The following PEF1 variants were observed in gnomAD, a reference collection of about 807,000 sequenced individuals.
PEF1 encodes the protein peflin.
In PEF1, 17 loss-of-function variants were observed where a neutral mutation model predicts 32.0. The observed-to-expected ratio is 0.53, with a 90% CI of 0.36 to 0.80. PEF1 has a LOEUF of 0.80. PEF1 is among the 30% of genes least tolerant of loss of function. PEF1 has a pLI of 0.00. For synonymous variants in PEF1, 130 were observed against 139.8 expected (o/e 0.93, Z 0.50); for missense variants, 362 against 369.1 (o/e 0.98, Z 0.16).
At chr1:31,633,485 A>T (rs1640172770) in intron 2 of PEF1, among the ~76,000 whole-genome samples, 171 bp from the exon 3 acceptor site, 1 of 152,232 alleles carries the variant, frequency 6.6e-6, no homozygotes, top group Non-Finnish European at 1.5e-5. Flanking sequence ...GTGAAGATTC[A>T]TGAGTATTTG....
intron 2 of PEF1, 60 bp downstream of exon 2, chr1:31,635,162 C>T: frequency 6.3e-7 from 1 of 1,580,918 alleles, no homozygotes. Flanking sequence ...AGGACAAAGG[C>T]TGGCCATGGA....
chr1:31,630,119 A>C lies in PEF1; in HGVS notation c.*494T>G. ...GGCAGCTAGAAGTTAACACACAAGG[A>C]TTTATGGGTGTGGCAGAATCCAAGC... On this transcript the variant is annotated 3_prime_UTR_variant, in exon 5 of 5. Transcript: ENST00000373703. The C allele has an allele frequency of 5.4e-6, 1 of 183,994 alleles. No individual in the cohort carries two copies. Among genetic ancestry groups the C allele is most frequent in the Non-Finnish European group, 1.2e-5 (1 of 85,160 alleles). The allele number at this position is 183,994 out of a possible 1,614,324, so 11.4% of individuals were successfully genotyped here. A position where few individuals can be genotyped will look rare whatever the true frequency, so the allele number is the denominator to read the frequency against.
chr1:31,633,311 C>A lies in PEF1; in HGVS notation c.329G>T (p.Gly110Val), dbSNP rs1379827108. 6.2e-7 allele frequency: 1 copy of A among 1,610,648 alleles called. No homozygotes were observed. Among genetic ancestry groups the A allele is most frequent in the Admixed American group, 1.7e-5 (1 of 59,718 alleles). ...CTCAGGATCCACATTGGGAGGGGCG[C>A]CACCTGGAGGAAGGGGTGTGAAGGC... ...AQQPGLYGQG[G>V]APPNVDPEAY... Residue 110 changes from glycine to valine, a missense_variant, in exon 3 of 5, where the codon GGC becomes GTC. Physicochemically the swap from Gly to Val is moderately radical, Grantham distance 109. Transcript: ENST00000373703.
At chr1:31,644,562 C>T in intron 1 of PEF1, 1 of 1,406,076 alleles carries the variant, frequency 7.1e-7, no homozygotes, top group Non-Finnish European at 9.2e-7. Context: ...CTGTGGAGCC[C>T]AGGCCAGCGC....
At chr1:31,644,468 A>C in intron 1 of PEF1, 1 of 1,194,832 alleles carries the variant, frequency 8.4e-7, no homozygotes, top group Non-Finnish European at 1.0e-6. Flanking sequence ...CCGACGCCCC[A>C]AATGAGATCG....
intron 1 of PEF1, among the ~76,000 whole-genome samples, chr1:31,641,234 A>G (rs963970175): frequency 6.6e-6 from 1 of 151,988 alleles, no homozygotes; most frequent in Non-Finnish European, 1.5e-5. Context: ...ATCCAAACCT[A>G]AGGCCAAGTT....
chr1:31,632,476 C>T lies in PEF1; in HGVS notation c.625+19G>A. On this transcript the variant is annotated intron_variant, in intron 4 of 4. Transcript: ENST00000373703. ...GTCTAGCTCTGTCCTGCCCATCGTG[C>T]CCCGGCCATGACCCGCACCTTGCTG... 1.9e-6 allele frequency: 3 copies of T among 1,614,244 alleles called. No homozygotes were observed. The South Asian group carries it at 3.3e-5, about 18-fold the overall frequency.
At position 31,636,098 on chromosome 1, in the gene PEF1, G is replaced by A. The variant is rs925398717; in HGVS notation, c.25-576C>T. 1.7e-4 allele frequency among the ~76,000 whole-genome samples: 26 copies of A among 152,146 alleles called. 1 individual carries two copies. The highest frequency in any genetic ancestry group is 1.2e-3 in the Admixed American group (18 of 15,276). On this transcript the variant is annotated intron_variant, in intron 1 of 4. Coordinates refer to ENST00000373703, the MANE Select transcript of PEF1 (RefSeq NM_012392.4). The stretch of plus-strand genomic sequence containing the variant: ...ACTCACAACTCTGTGAGGCAGGCAG[G>A]GGAGACCCTATTCCTAAGGCAATAC...
At chr1:31,638,861 G>C (rs902295393) in intron 1 of PEF1, among the ~76,000 whole-genome samples, 10 of 152,242 alleles carry the variant, frequency 6.6e-5, no homozygotes, top group African/African-American at 2.2e-4. Flanking sequence ...TTTTCAGAGT[G>C]ACAATATTGT....
At position 31,630,192 on chromosome 1, in the gene PEF1, T is replaced by C. The variant is rs1173728041; in HGVS notation, c.*421A>G. The C allele has an allele frequency of 8.3e-6, 2 of 242,222 alleles. No homozygotes were observed. The highest frequency in any genetic ancestry group is 1.8e-4 in the East Asian group (2 of 10,916). 15.0% of individuals were successfully genotyped at this position (242,222 alleles called of 1,614,324 possible). ...CTCTCATGCTTGGTCAGATTCCACT[T>C]TGGAGAAAATGGGCTCGTTTGACAG... On this transcript the variant is annotated 3_prime_UTR_variant, in exon 5 of 5. Transcript: ENST00000373703.
intron 3 of PEF1, 149 bp downstream of exon 3, chr1:31,633,010 G>T (rs1201141538): frequency 9.8e-6 from 9 of 916,394 alleles, no homozygotes; most frequent in Admixed American, 5.9e-5. Flanking sequence ...CAGTCTAGGG[G>T]ATCTCACCCT....
chr1:31,635,299 C>T lies in PEF1; in HGVS notation c.248G>A (p.Gly83Asp), dbSNP rs1640224562. ...ACCATAGGGGCCCCCGGGAGCTGCA[C>T]CGCCATATGGTCCTCCTGGAGTTCC... ...PSGTPGGPYGGAAPGGPYGQP... is the reference protein window; with the variant it reads ...PSGTPGGPYGDAAPGGPYGQP... The change falls in exon 2 of 5, where the codon GGT becomes GAT. Residue 83 changes from glycine to aspartate, a missense_variant. Gly to Asp is a moderately conservative substitution (Grantham distance 94). Coordinates refer to ENST00000373703, the MANE Select transcript of PEF1 (RefSeq NM_012392.4). 1.2e-6 allele frequency: 2 copies of T among 1,614,128 alleles called. No individual in the cohort carries two copies. The highest frequency in any genetic ancestry group is 8.5e-7 in the Non-Finnish European group (1 of 1,180,010).
At chr1:31,632,202 C>G in intron 4 of PEF1, 2 of 611,224 alleles carry the variant, frequency 3.3e-6, no homozygotes, top group South Asian at 3.8e-5. Context: ...GTCTCATAGT[C>G]CTTAAGGTGC....
intron 4 of PEF1, 146 bp downstream of exon 4, chr1:31,632,349 G>T: frequency 7.3e-7 from 1 of 1,375,758 alleles, no homozygotes; most frequent in Non-Finnish European, 1.0e-6. Context: ...AAGAAGGGGT[G>T]AGGGATGCAG....
chr1:31,640,296 G>A (rs1211960577), intron 1 of PEF1, among the ~76,000 whole-genome samples: 1 of 152,072 alleles, frequency 6.6e-6, no homozygotes, highest in African/African-American at 2.4e-5. Context: ...AAAATTAAGG[G>A]GCAGAGAGTT....
At chr1:31,641,914 T>C (rs1640399702) in intron 1 of PEF1, among the ~76,000 whole-genome samples, 1 of 152,238 alleles carries the variant, frequency 6.6e-6, no homozygotes, top group African/African-American at 2.4e-5. Flanking sequence ...CTGAGGTAGA[T>C]ACTATTATGA....
At position 31,635,406 on chromosome 1, in the gene PEF1, C is replaced by T. The variant is rs1640228025; in HGVS notation, c.141G>A (p.Gly47=). 1 of 1,612,826 alleles carries T rather than the reference C, an allele frequency of 6.2e-7. No individual in the cohort carries two copies. Among genetic ancestry groups the T allele is most frequent in the Admixed American group, 1.7e-5 (1 of 59,884 alleles). The change falls in exon 2 of 5, where the codon GGG becomes GGA. Residue 47 remains glycine, a synonymous_variant. Transcript: ENST00000373703. ...GSGLPPGGGY[G]GPAPGGPYGP... ...CATAAGGCCCTCCAGGGGCAGGACC[C>T]CCATAACCACCACCAGGGGGTAGCC...
chr1:31,644,752 CG>C, intron 1 of PEF1, 88 bp downstream of exon 1: 1 of 1,605,630 alleles, frequency 6.2e-7, no homozygotes. Context: ...GGGAAGGGCG[CG>C]GAGAAAGCGG....
Position 31,630,582 on chromosome 1 carries a change from T to C in PEF1, c.*31A>G. The stretch of plus-strand genomic sequence containing the variant: ...ACTCTAAGAAGCCAGGAAAGGTCCC[T>C]GGTGCACTCCACTCTCCACAGATGG... On this transcript the variant is annotated 3_prime_UTR_variant, in exon 5 of 5. Coordinates refer to ENST00000373703, the MANE Select transcript of PEF1 (RefSeq NM_012392.4). 1 of 1,599,084 alleles carries C rather than the reference T, an allele frequency of 6.3e-7. No homozygotes were observed. Among genetic ancestry groups the C allele is most frequent in the Non-Finnish European group, 8.6e-7 (1 of 1,168,708 alleles).
Sources: gnomAD v4.1 joint callset for allele counts (sites outside exome capture counted in the v4.1 genomes callset) on GRCh38, gnomAD v4.1.1 for gene constraint, MANE v1.5 for transcripts, NCBI Gene and HGNC (gene_info 2026-07-23, HGNC 2026-07-21) for gene names.